KIAA1328: variants seen among roughly 807,000 people sequenced by gnomAD.
The protein encoded by KIAA1328 is KIAA1328.
A neutral mutation model predicts 68.1 loss-of-function variants in KIAA1328; 52 were observed. The ratio of observed to expected loss-of-function variants is 0.76; its 90% CI spans 0.61 to 0.96. The LOEUF (loss-of-function observed/expected upper bound fraction) is 0.96. Among genes scored for constraint, KIAA1328 ranks in the 40% least tolerant of loss-of-function variants. The pLI, the probability that KIAA1328 is intolerant of heterozygous loss-of-function variation, is 0.00. For synonymous variants in KIAA1328, 232 were observed against 239.4 expected (o/e 0.97, Z 0.28); for missense variants, 641 against 677.6 (o/e 0.95, Z 0.60).
intron 6 of KIAA1328, among the ~76,000 whole-genome samples, chr18:36,965,676 A>C (rs533650857): frequency 6.6e-6 from 1 of 150,900 alleles, no homozygotes; most frequent in East Asian, 2.0e-4. Context: ...TGGCCAAAAA[A>C]AAAAGTTTTA....
rs60337954 is a variant in KIAA1328, at chr18:37,103,803, TACACAC to T, written c.1232+36289_1232+36294del. Among the ~76,000 whole-genome samples, 376 of 145,660 alleles carry T rather than the reference TACACAC, an allele frequency of 2.6e-3. 1 individual carries two copies. The highest frequency in any genetic ancestry group is 5.1e-3 in the East Asian group (25 of 4,938). On this transcript the variant is annotated intron_variant, in intron 7 of 9. Transcript: ENST00000280020. ...ACACAAGGAATAGTTCAATAGCAAA[TACACAC>T]ACACACACACACACACACACACACA...
intron 5 of KIAA1328, among the ~76,000 whole-genome samples, chr18:36,918,064 C>T (rs139273183): frequency 2.6e-5 from 4 of 151,998 alleles, no homozygotes; most frequent in African/African-American, 9.6e-5. Context: ...TGTGAGACGA[C>T]TTCATCATTA....
intron 7 of KIAA1328, among the ~76,000 whole-genome samples, chr18:37,084,798 G>A (rs1297036828): frequency 1.3e-5 from 2 of 152,154 alleles, no homozygotes; most frequent in Non-Finnish European, 2.9e-5. Context: ...CTAGTACAAA[G>A]TATATATGAA....
At chr18:36,866,486 A>T (rs1291957548) in intron 4 of KIAA1328, among the ~76,000 whole-genome samples, 1 of 152,110 alleles carries the variant, frequency 6.6e-6, no homozygotes, top group Non-Finnish European at 1.5e-5. Flanking sequence ...AAGGAGTGAA[A>T]GTTCAAATTT....
intron 6 of KIAA1328, among the ~76,000 whole-genome samples, chr18:37,028,054 A>G (rs902050784): frequency 6.6e-6 from 1 of 152,224 alleles, no homozygotes; most frequent in Admixed American, 6.5e-5. Flanking sequence ...AAGGATATGA[A>G]CAGACACTTC....
chr18:36,881,812 T>A (rs1254507929), intron 4 of KIAA1328, among the ~76,000 whole-genome samples: 2 of 152,262 alleles, frequency 1.3e-5, no homozygotes, highest in Admixed American at 6.5e-5. Flanking sequence ...TATTGCTGAA[T>A]AACTTTCCAT....
At chr18:37,175,561 C>T (rs1305485982) in intron 9 of KIAA1328, among the ~76,000 whole-genome samples, 1 of 151,628 alleles carries the variant, frequency 6.6e-6, no homozygotes, top group Non-Finnish European at 1.5e-5. Flanking sequence ...TGCATGATGA[C>T]ATCATACAGG....
intron 4 of KIAA1328, among the ~76,000 whole-genome samples, chr18:36,862,829 T>C (rs188681256): frequency 1.1e-3 from 161 of 152,284 alleles, no homozygotes; most frequent in African/African-American, 3.8e-3. Context: ...ACATTTGTTA[T>C]AATTAATTTC....
At chr18:36,905,202 C>G (rs2151046668) in intron 5 of KIAA1328, among the ~76,000 whole-genome samples, 1 of 151,960 alleles carries the variant, frequency 6.6e-6, no homozygotes, top group African/African-American at 2.4e-5. Context: ...ACCTCCGCCT[C>G]CCGGATTCAA....
chr18:37,056,715 A>G (rs150002387), intron 6 of KIAA1328, among the ~76,000 whole-genome samples: 1 of 151,010 alleles, frequency 6.6e-6, no homozygotes, highest in East Asian at 2.0e-4. Flanking sequence ...CAGTAGTGTG[A>G]TCTCGGCTCA....
rs572107211 is a variant in KIAA1328, at chr18:36,837,311, A to G, written c.237+1935A>G. 7.9e-5 allele frequency among the ~76,000 whole-genome samples: 12 copies of G among 152,266 alleles called. No individual in the cohort carries two copies. In the South Asian group the frequency reaches 1.2e-3, roughly 16 times the overall value. ...CTAGTGGGTGTGAAGTGGTAATTCA[A>G]TGTGATTTTGATTTGCATTTCCTTA... On this transcript the variant is annotated intron_variant, in intron 3 of 9. Transcript: ENST00000280020.
At chr18:37,078,848 G>GT (rs2056844905) in intron 7 of KIAA1328, among the ~76,000 whole-genome samples, 1 of 150,012 alleles carries the variant, frequency 6.7e-6, no homozygotes, top group Admixed American at 6.6e-5. Context: ...TGGAGAGGAT[G>GT]TGGAGAAATA....
intron 7 of KIAA1328, among the ~76,000 whole-genome samples, chr18:37,079,898 AAAAC>A (rs1234841841): frequency 5.9e-5 from 9 of 152,010 alleles, no homozygotes; most frequent in Non-Finnish European, 8.8e-5. Context: ...AAAAAAAAAA[AAAAC>A]AGTTCAATAA....
At chr18:37,079,897 A>C (rs943950856) in intron 7 of KIAA1328, among the ~76,000 whole-genome samples, 2 of 152,028 alleles carry the variant, frequency 1.3e-5, no homozygotes, top group Admixed American at 1.3e-4. Flanking sequence ...AAAAAAAAAA[A>C]AAAACAGTTC....
chr18:36,961,252 G>A (rs1471940159), intron 6 of KIAA1328, among the ~76,000 whole-genome samples: 1 of 152,138 alleles, frequency 6.6e-6, no homozygotes, highest in Non-Finnish European at 1.5e-5. Context: ...AAAGTGAGAA[G>A]ACAAGCTTAG....
intron 3 of KIAA1328, among the ~76,000 whole-genome samples, chr18:36,842,407 CT>C (rs1350200860): frequency 6.6e-6 from 1 of 152,132 alleles, no homozygotes; most frequent in Non-Finnish European, 1.5e-5. Context: ...TTCTTTCTTC[CT>C]GGTCTTCATC....
chr18:36,881,594 A>AGCACTCACT (rs559247827), intron 4 of KIAA1328, among the ~76,000 whole-genome samples: 46 of 152,320 alleles, frequency 3.0e-4, no homozygotes, highest in African/African-American at 9.6e-4. Context: ...TATATGCATT[A>AGCACTCACT]GCACTCACTG....
chr18:36,894,070 G>A (rs1399190996), intron 5 of KIAA1328, among the ~76,000 whole-genome samples: 1 of 152,076 alleles, frequency 6.6e-6, no homozygotes, highest in African/African-American at 2.4e-5. Flanking sequence ...TCATTTTACA[G>A]GTCTGGAAAG....
chr18:36,840,982 A>G (rs1256917589), intron 3 of KIAA1328, among the ~76,000 whole-genome samples: 1 of 152,122 alleles, frequency 6.6e-6, no homozygotes, highest in African/African-American at 2.4e-5. Context: ...GTGACAGGAG[A>G]GGAAAAGAAG....
Sources: gnomAD v4.1 joint callset for allele counts (sites outside exome capture counted in the v4.1 genomes callset) on GRCh38, gnomAD v4.1.1 for gene constraint, MANE v1.5 for transcripts, NCBI Gene and HGNC (gene_info 2026-07-23, HGNC 2026-07-21) for gene names.